Variants in LRRC24 observed in about 807,000 individuals in gnomAD.
LRRC24 encodes leucine rich repeat containing 24.
LRRC24 carries 19 observed loss-of-function variants against 15.3 expected under a neutral mutation model. The observed-to-expected ratio is 1.25, with a 90% CI of 0.87 to 1.83. LRRC24 has a LOEUF of 1.83. Among genes scored for constraint, LRRC24 ranks in the 40% most tolerant of loss-of-function variants. The probability of loss-of-function intolerance (pLI) is 0.00; values close to 1 mark genes in which losing one functional copy is unlikely to be tolerated. For synonymous variants in LRRC24, 469 were observed against 359.6 expected, an observed-to-expected ratio of 1.30 and a Z score of -3.44; for missense variants, 914 against 723.9, an observed-to-expected ratio of 1.26 and a Z score of -3.01.
intron 4 of LRRC24, 39 bp from the exon 5 acceptor site, chr8:144,523,448 C>G: frequency 6.7e-7 from 1 of 1,503,052 alleles, no homozygotes; most frequent in Non-Finnish European, 8.9e-7. Context: ...CTTGAGGGTG[C>G]TGCTAAAACA....
Position 144,522,648 on chromosome 8 carries a change from C to T in LRRC24, c.1369G>A (p.Ala457Thr), listed in dbSNP as rs781052414. The T allele has an allele frequency of 1.3e-6, 2 of 1,586,108 alleles. No homozygotes were observed. Among genetic ancestry groups the T allele is most frequent in the South Asian group, 1.1e-5 (1 of 87,570 alleles). ...TCGTCGCGGAGCTCCTCTAGCTGTG[C>T]GAACGTACAGGGGCCGTCCAAGTAG... ...NDYLDGPCTF[A>T]QLEELRDERG... Residue 457 changes from alanine to threonine, a missense_variant, in exon 5 of 5, where the codon GCA (alanine) becomes ACA (threonine). By Grantham distance (58) the Ala-to-Thr change is moderately conservative. Transcript: ENST00000529415.
chr8:144,522,571 C>A lies in LRRC24; in HGVS notation c.1446G>T (p.Glu482Asp). 2 of 1,554,458 alleles carry A rather than the reference C, an allele frequency of 1.3e-6. No individual in the cohort carries two copies. The highest frequency in any genetic ancestry group is 2.6e-5 in the East Asian group (1 of 39,160). Residue 482 changes from glutamate to aspartate, a missense_variant, in exon 5 of 5, where the codon GAG becomes GAT. Transcript: ENST00000529415. ...AGTCAGCGGGCGCCTCCGCCGGACC[C>A]TCGGCGAAGAGCGGCTTGGAGCGGT... Reference protein sequence around the residue: ...VINRSKPLFAEGPAEAPADCG... With the variant: ...VINRSKPLFADGPAEAPADCG...
At position 144,522,825 on chromosome 8, in the gene LRRC24, C is replaced by A. The variant is rs747742484; in HGVS notation, c.1192G>T (p.Ala398Ser). The part of the protein sequence containing the change: ...RPEAGSMAFR[A>S]LGVATQTAIA... ...GCCGTCTGTGTGGCCACGCCCAGGG[C>A]GCGGAAGGCCATGCTGCCCGCCTCG... Residue 398 changes from alanine to serine, a missense_variant, in exon 5 of 5, where the codon GCC (alanine) becomes TCC (serine). Physicochemically the swap from Ala to Ser is moderately conservative, Grantham distance 99. Coordinates refer to ENST00000529415, the MANE Select transcript of LRRC24 (RefSeq NM_001024678.4). 7.1e-5 allele frequency: 104 copies of A among 1,470,906 alleles called. No individual in the cohort carries two copies. The Admixed American group carries it at 2.4e-3, about 34-fold the overall frequency. 91.1% of individuals were successfully genotyped at this position (1,470,906 alleles called of 1,614,324 possible). A position where few individuals can be genotyped will look rare whatever the true frequency, so the allele number is the denominator to read the frequency against.
In LRRC24 at chr8:144,525,001, C is replaced by G. The variant is rs1430968577; in HGVS notation, c.-27G>C. On this transcript the variant is annotated 5_prime_UTR_variant, in exon 2 of 5. Transcript: ENST00000529415. Reference sequence around the variant, plus strand: ...TCCCGAGGCCCGGTTCCTCACCGGCCCTTCCGCGGTTCAGCCGCAGACGCG... The same window carrying G: ...TCCCGAGGCCCGGTTCCTCACCGGCGCTTCCGCGGTTCAGCCGCAGACGCG... The G allele has an allele frequency of 9.1e-6, 13 of 1,422,806 alleles. No homozygotes were observed. Among genetic ancestry groups the G allele is most frequent in the Non-Finnish European group, 1.2e-5 (13 of 1,090,942 alleles). 88.1% of individuals were successfully genotyped at this position (1,422,806 alleles called of 1,614,324 possible). A position where few individuals can be genotyped will look rare whatever the true frequency, so the allele number is the denominator to read the frequency against.
In LRRC24 at chr8:144,524,163, A is replaced by G; in HGVS notation, c.554T>C (p.Ile185Thr). ...CAGGGGCTGCAGGGCCTCTCGGCTG[A>G]TGGTGCCCAGCTGGTTCCTGCTGAG... Reference protein sequence around the residue: ...LDLSRNQLGTISREALQPLAS... With the variant: ...LDLSRNQLGTTSREALQPLAS... The change falls in exon 4 of 5, where the codon ATC (isoleucine) becomes ACC (threonine). Residue 185 changes from isoleucine to threonine, a missense_variant. Transcript: ENST00000529415. 6.2e-7 allele frequency: 1 copy of G among 1,610,334 alleles called. No homozygotes were observed. Among genetic ancestry groups the G allele is most frequent in the Non-Finnish European group, 8.5e-7 (1 of 1,178,156 alleles).
intron 1 of LRRC24, chr8:144,526,170 T>G (rs912852433): frequency 6.6e-6 from 1 of 152,206 alleles, no homozygotes; most frequent in Non-Finnish European, 1.5e-5. Flanking sequence ...TGTTTAAATC[T>G]TGCCCTAAAT....
chr8:144,523,970 C>A, intron 4 of LRRC24, 140 bp downstream of exon 4: 1 of 998,302 alleles, frequency 1.0e-6, no homozygotes, highest in Admixed American at 2.3e-5. Context: ...TCCCGCAGCC[C>A]TCCAGTGTGG....
chr8:144,524,627 G>T lies in LRRC24; in HGVS notation c.252C>A (p.Asn84Lys). The change falls in exon 3 of 5, where the codon AAC (asparagine) becomes AAA (lysine). Residue 84 changes from asparagine to lysine, a missense_variant. Transcript: ENST00000529415. Reference sequence around the variant, plus strand: ...CGCCGGCCTCCAGGGCGCGCAGGCTGTTGTTGTGCAGGTAGAGCCGGCGCA... The same window carrying T: ...CGCCGGCCTCCAGGGCGCGCAGGCTTTTGTTGTGCAGGTAGAGCCGGCGCA... ...AALRRLYLHNNSLRALEAGAF... is the reference protein window; with the variant it reads ...AALRRLYLHNKSLRALEAGAF... The T allele has an allele frequency of 6.6e-7, 1 of 1,522,480 alleles. No individual in the cohort carries two copies. Among genetic ancestry groups the T allele is most frequent in the Middle Eastern group, 1.8e-4 (1 of 5,528 alleles). The allele number at this position is 1,522,480 out of a possible 1,614,324, so 94.3% of individuals were successfully genotyped here.
At chr8:144,523,633 C>A in intron 4 of LRRC24, 2 of 558,636 alleles carry the variant, frequency 3.6e-6, no homozygotes, top group Admixed American at 3.8e-5. Flanking sequence ...CTGCCTGTTA[C>A]AGATCACTTC....
chr8:144,526,494 G>A (rs537640524), intron 1 of LRRC24: 1 of 152,378 alleles, frequency 6.6e-6, no homozygotes, highest in East Asian at 1.9e-4. Context: ...GGTGTAGAAA[G>A]GCCTGCCAGG....
At chr8:144,523,768 C>G in intron 4 of LRRC24, 1 of 415,778 alleles carries the variant, frequency 2.4e-6, no homozygotes, top group South Asian at 5.3e-5. Flanking sequence ...TCCTCTCAGC[C>G]TTGCCTTTGG....
rs1564823516 is a variant in LRRC24, at chr8:144,522,705, G to A, written c.1312C>T (p.Pro438Ser). The change falls in exon 5 of 5, where the codon CCT becomes TCT. Residue 438 changes from proline (P) to serine (S), a missense_variant. By Grantham distance (74) the Pro-to-Ser change is moderately conservative. Transcript: ENST00000529415. ...ACGAACAGCGCTCCCTCCCCCGGAGGCCCCCGCGCCTTTTTTCGCCTGCGG... is the reference window on the plus strand; with the variant it reads ...ACGAACAGCGCTCCCTCCCCCGGAGACCCCCGCGCCTTTTTTCGCCTGCGG... ...RRRRRKKARG[P>S]PGEGALFVND... 3.8e-6 allele frequency: 6 copies of A among 1,595,918 alleles called. No individual in the cohort carries two copies. Among genetic ancestry groups the A allele is most frequent in the Non-Finnish European group, 5.1e-6 (6 of 1,172,490 alleles).
At position 144,523,136 on chromosome 8, in the gene LRRC24, C is replaced by G; in HGVS notation, c.881G>C (p.Arg294Thr). 1 of 1,610,768 alleles carries G rather than the reference C, an allele frequency of 6.2e-7. No homozygotes were observed. Among genetic ancestry groups the G allele is most frequent in the Non-Finnish European group, 8.5e-7 (1 of 1,179,508 alleles). Residue 294 changes from arginine (R) to threonine (T), a missense_variant, in exon 5 of 5, where the codon AGA becomes ACA. Physicochemically the swap from Arg to Thr is moderately conservative, Grantham distance 71. Transcript: ENST00000529415. The stretch of plus-strand genomic sequence containing the variant: ...GCCCTCGCGAGGCTGGGGCACCTTT[C>G]TCCAGGTCACCAATGGCTGCGGGTA... Reference protein sequence around the residue: ...SGYPQPLVTWRKVPQPREGRP... With the variant: ...SGYPQPLVTWTKVPQPREGRP...
rs575517304 is a variant in LRRC24 at position 144,524,914 on chromosome 8, C to T, written c.61G>A (p.Ala21Thr). The T allele has an allele frequency of 7.4e-4, 1,118 of 1,513,272 alleles. 14 individuals carry two copies. In the African/African-American group the frequency reaches 0.012, roughly 16 times the overall value. 93.7% of individuals were successfully genotyped at this position (1,513,272 alleles called of 1,614,324 possible). The stretch of plus-strand genomic sequence containing the variant: ...CAGCGGCAGGCTGCTGGGCAGCCGG[C>T]GGCGCGGAGCGGCAGTAGTAGCAGC... ...LLLLLLPLRA[A>T]GCPAACRCYS... Residue 21 changes from alanine (A) to threonine (T), a missense_variant, in exon 2 of 5, where the codon GCC becomes ACC. Ala to Thr is a moderately conservative substitution (Grantham distance 58). Transcript: ENST00000529415.
Position 144,524,624 on chromosome 8 carries a change from G to A in LRRC24, c.255C>T (p.Ser85=), listed in dbSNP as rs1431898760. ...AGGCGCCGGCCTCCAGGGCGCGCAG[G>A]CTGTTGTTGTGCAGGTAGAGCCGGC... The part of the protein sequence containing the change: ...ALRRLYLHNN[S]LRALEAGAFR... The change falls in exon 3 of 5, where the codon AGC becomes AGT. Residue 85 remains serine, a synonymous_variant. Coordinates refer to ENST00000529415, the MANE Select transcript of LRRC24 (RefSeq NM_001024678.4). 3.9e-6 allele frequency: 6 copies of A among 1,523,268 alleles called. No homozygotes were observed. The highest frequency in any genetic ancestry group is 3.6e-5 in the South Asian group (3 of 82,632). 94.4% of individuals were successfully genotyped at this position (1,523,268 alleles called of 1,614,324 possible).
intron 4 of LRRC24, 58 bp downstream of exon 4, chr8:144,524,052 C>G (rs546883135): frequency 1.3e-6 from 2 of 1,563,724 alleles, no homozygotes; most frequent in South Asian, 1.1e-5. Context: ...ACACATGAGC[C>G]TGCTCCCTAC....
Position 144,523,083 on chromosome 8 carries a change from C to T in LRRC24, c.934G>A (p.Gly312Ser), listed in dbSNP as rs751107015. ...GRPRAQAQLEGGLLGLGGHSA... is the reference protein window; with the variant it reads ...GRPRAQAQLESGLLGLGGHSA... The stretch of plus-strand genomic sequence containing the variant: ...TGTCCGCCCAGGCCCAGCAACCCGC[C>T]TTCTAGCTGGGCCTGGGCTCGCGGC... Residue 312 changes from glycine (G) to serine (S), a missense_variant, in exon 5 of 5, where the codon GGC (glycine) becomes AGC (serine). By Grantham distance (56) the Gly-to-Ser change is moderately conservative. Transcript: ENST00000529415. 6 of 1,608,314 alleles carry T rather than the reference C, an allele frequency of 3.7e-6. No individual in the cohort carries two copies. Among genetic ancestry groups the T allele is most frequent in the East Asian group, 2.2e-5 (1 of 44,830 alleles).
In LRRC24 at chr8:144,523,382, A is replaced by C; in HGVS notation, c.635T>G (p.Leu212Arg). The change falls in exon 5 of 5, where the codon CTG becomes CGG. Residue 212 changes from leucine to arginine, a missense_variant. Transcript: ENST00000529415. ...CTTGATCCAGGCACCCAGCCAGTGC[A>C]GGGCGCAGTCACAGCGCCATGGGTT... ...TENPWRCDCALHWLGAWIKEG... is the reference protein window; with the variant it reads ...TENPWRCDCARHWLGAWIKEG... 1 of 1,554,522 alleles carries C rather than the reference A, an allele frequency of 6.4e-7. No homozygotes were observed. Among genetic ancestry groups the C allele is most frequent in the East Asian group, 2.3e-5 (1 of 44,094 alleles).
chr8:144,524,322 T>C (rs763019357), intron 3 of LRRC24, 44 bp from the exon 4 acceptor site: 9 of 1,603,258 alleles, frequency 5.6e-6, no homozygotes, highest in South Asian at 1.1e-5. Context: ...GGCGCCGAGG[T>C]TGGGGGCATG....
Sources: allele counts gnomAD v4.1 joint callset, GRCh38; gene constraint gnomAD v4.1.1; transcripts MANE v1.5; gene names NCBI Gene and HGNC (gene_info 2026-07-23, HGNC 2026-07-21).